Variants in PTPRT observed in about 807,000 individuals in gnomAD.
The protein encoded by PTPRT is receptor-type tyrosine-protein phosphatase T.
In PTPRT, 56 loss-of-function variants were observed where a neutral mutation model predicts 176.8. The ratio of observed to expected loss-of-function variants is 0.32; its 90% CI spans 0.26 to 0.40. The LOEUF (loss-of-function observed/expected upper bound fraction) is 0.40. Among genes scored for constraint, PTPRT ranks in the 10% least tolerant of loss-of-function variants. The pLI is 1.00. For missense variants in PTPRT, 1,540 were observed against 1,908.2 expected (o/e 0.81, Z 3.60); for synonymous variants, 783 against 739.0 (o/e 1.06, Z -0.96).
rs560113194 is a variant in PTPRT, at chr20:42,731,258, A to T, written c.859+25204T>A. Reference sequence around the variant, plus strand: ...GTTCAGCGCAGTCTAATTGCACCAAATTTTATTTGAGTCTTCGCTGGGGCT... The same window carrying T: ...GTTCAGCGCAGTCTAATTGCACCAATTTTTATTTGAGTCTTCGCTGGGGCT... On this transcript the variant is annotated intron_variant, in intron 6 of 30. Coordinates refer to ENST00000373187, the MANE Select transcript of PTPRT (RefSeq NM_007050.6). Among the ~76,000 whole-genome samples, 21 of 152,278 alleles carry T rather than the reference A, an allele frequency of 1.4e-4. No individual in the cohort carries two copies. In the South Asian group the frequency reaches 4.1e-3, roughly 30 times the overall value.
intron 1 of PTPRT, among the ~76,000 whole-genome samples, chr20:43,144,514 C>A (rs1478831167): frequency 6.6e-6 from 1 of 152,178 alleles, no homozygotes; most frequent in Non-Finnish European, 1.5e-5. Flanking sequence ...GGGAAGTTTT[C>A]CTAACTAGTC....
chr20:42,828,272 CCTG>C (rs2078029825), intron 2 of PTPRT, among the ~76,000 whole-genome samples: 1 of 152,100 alleles, frequency 6.6e-6, no homozygotes, highest in African/African-American at 2.4e-5. Context: ...GCATTTTGCC[CCTG>C]CCCTAGAGAT....
intron 7 of PTPRT, among the ~76,000 whole-genome samples, chr20:42,625,543 G>A (rs6030372): frequency 0.12 from 17,519 of 151,614 alleles, 1,092 homozygotes; most frequent in South Asian, 0.15. Flanking sequence ...CCCATCCTCT[G>A]CCCCTACCAC....
chr20:42,119,374 A>G (rs1397776987), intron 20 of PTPRT, among the ~76,000 whole-genome samples: 1 of 152,170 alleles, frequency 6.6e-6, no homozygotes, highest in East Asian at 1.9e-4. Context: ...TCGCTTTTTT[A>G]TTCCTATTAT....
chr20:43,120,259 C>T (rs373715137), intron 1 of PTPRT, among the ~76,000 whole-genome samples: 1 of 149,242 alleles, frequency 6.7e-6, no homozygotes, highest in Non-Finnish European at 1.5e-5. Context: ...CTTCCTGTCC[C>T]TACCACTTCC....
chr20:42,780,766 T>C (rs543420688), intron 3 of PTPRT, among the ~76,000 whole-genome samples: 2 of 152,266 alleles, frequency 1.3e-5, no homozygotes, highest in Admixed American at 6.5e-5. Flanking sequence ...AAGGAACATA[T>C]TACATTTGAA....
chr20:42,434,904 G>A lies in PTPRT; in HGVS notation c.1560+13316C>T, dbSNP rs555464055. 2.0e-5 allele frequency among the ~76,000 whole-genome samples: 3 copies of A among 152,190 alleles called. No individual in the cohort carries two copies. In the South Asian group the frequency reaches 6.2e-4, roughly 32 times the overall value. The stretch of plus-strand genomic sequence containing the variant: ...CTCTTGAACCTAGGATGTGGAGGTT[G>A]CAGTAAGTTGAGATTGCATCACTGC... On this transcript the variant is annotated intron_variant, in intron 9 of 30. Coordinates refer to ENST00000373187, the MANE Select transcript of PTPRT (RefSeq NM_007050.6).
chr20:42,470,926 G>T (rs1187106008), intron 8 of PTPRT, among the ~76,000 whole-genome samples: 2 of 151,998 alleles, frequency 1.3e-5, no homozygotes, highest in African/African-American at 4.8e-5. Context: ...GGGGTATGGA[G>T]GTGGGGTGGG....
chr20:42,356,345 T>A (rs1389432427), intron 9 of PTPRT, among the ~76,000 whole-genome samples: 1 of 152,156 alleles, frequency 6.6e-6, no homozygotes, highest in African/African-American at 2.4e-5. Context: ...GTCCCCCTTC[T>A]CTTTTAGTTG....
At chr20:42,990,010 A>G (rs1319247428) in intron 1 of PTPRT, among the ~76,000 whole-genome samples, 1 of 152,210 alleles carries the variant, frequency 6.6e-6, no homozygotes, top group Non-Finnish European at 1.5e-5. Flanking sequence ...TGTTTCTTAT[A>G]GGCTTGTCAT....
intron 2 of PTPRT, among the ~76,000 whole-genome samples, chr20:42,799,093 G>T (rs896096284): frequency 6.6e-6 from 1 of 151,734 alleles, no homozygotes; most frequent in Non-Finnish European, 1.5e-5. Flanking sequence ...GAAGAAGAAA[G>T]AAAAGAAGGA....
At chr20:42,599,698 G>A (rs1411112704) in intron 7 of PTPRT, among the ~76,000 whole-genome samples, 2 of 152,098 alleles carry the variant, frequency 1.3e-5, no homozygotes, top group Admixed American at 6.5e-5. Context: ...AGAACTGGCC[G>A]CACATTTCAT....
intron 2 of PTPRT, among the ~76,000 whole-genome samples, chr20:42,856,236 GCAGT>G (rs1429640879): frequency 6.6e-6 from 1 of 152,166 alleles, no homozygotes; most frequent in Admixed American, 6.5e-5. Context: ...CCATAAGAGA[GCAGT>G]CAAACTGTAA....
At chr20:42,645,572 A>C (rs2074873269) in intron 7 of PTPRT, among the ~76,000 whole-genome samples, 1 of 152,118 alleles carries the variant, frequency 6.6e-6, no homozygotes, top group African/African-American at 2.4e-5. Flanking sequence ...TAACACATGG[A>C]GAGATGGGTT....
At chr20:42,569,729 T>A (rs867730038) in intron 7 of PTPRT, among the ~76,000 whole-genome samples, 1 of 152,188 alleles carries the variant, frequency 6.6e-6, no homozygotes, top group Non-Finnish European at 1.5e-5. Flanking sequence ...AGAGGGCTCT[T>A]AGCCTGATTC....
At chr20:43,033,249 G>A (rs538419941) in intron 1 of PTPRT, among the ~76,000 whole-genome samples, 4 of 152,270 alleles carry the variant, frequency 2.6e-5, no homozygotes, top group African/African-American at 9.6e-5. Flanking sequence ...GACCCCTTGA[G>A]CCTTCCTCTC....
chr20:42,333,642 T>C (rs1013292887), intron 11 of PTPRT, among the ~76,000 whole-genome samples: 6 of 152,014 alleles, frequency 3.9e-5, no homozygotes, highest in Non-Finnish European at 5.9e-5. Flanking sequence ...AGGCTTAGTA[T>C]TGTTTTTAAA....
At position 43,008,286 on chromosome 20, in the gene PTPRT, C is replaced by T. The variant is rs553269678; in HGVS notation, c.89-122354G>A. On this transcript the variant is annotated intron_variant, in intron 1 of 30. Coordinates refer to ENST00000373187, the MANE Select transcript of PTPRT (RefSeq NM_007050.6). Reference sequence around the variant, plus strand: ...AGGGGCTCCAGAAAGATCCCTTGCCCCTTCCACCATGTGAAGCTCCAGCAA... The same window carrying T: ...AGGGGCTCCAGAAAGATCCCTTGCCTCTTCCACCATGTGAAGCTCCAGCAA... Among the ~76,000 whole-genome samples, 5 of 152,232 alleles carry T rather than the reference C, an allele frequency of 3.3e-5. No homozygotes were observed. The South Asian group carries it at 1.0e-3, about 32-fold the overall frequency.
intron 1 of PTPRT, among the ~76,000 whole-genome samples, chr20:43,021,258 G>C (rs1265239613): frequency 6.6e-6 from 1 of 152,138 alleles, no homozygotes; most frequent in Non-Finnish European, 1.5e-5. Context: ...CCTGATTTGA[G>C]AGACTACAGA....
Sources: gnomAD v4.1 joint callset for allele counts (sites outside exome capture counted in the v4.1 genomes callset) on GRCh38, gnomAD v4.1.1 for gene constraint, MANE v1.5 for transcripts, NCBI Gene and HGNC (gene_info 2026-07-23, HGNC 2026-07-21) for gene names.